Variants in NXPH1 observed in about 807,000 individuals in gnomAD.
NXPH1 encodes the protein neurexophilin 1, also known as neurexophilin-1.
A neutral mutation model predicts 23.7 loss-of-function variants in NXPH1; 5 were observed. That is an observed-to-expected ratio of 0.21 (90% CI 0.11 to 0.44). The LOEUF is 0.44. Ranked by LOEUF, NXPH1 falls within the 20% of genes least tolerant of loss-of-function variation. The pLI is 0.99. For synonymous variants in NXPH1, 144 were observed against 122.2 expected, an observed-to-expected ratio of 1.18 and a Z score of -1.18; for missense variants, 324 against 321.6, an observed-to-expected ratio of 1.01 and a Z score of -0.06.
intron 2 of NXPH1, among the ~76,000 whole-genome samples, chr7:8,749,577 C>A (rs1174645949): frequency 6.6e-6 from 1 of 152,150 alleles, no homozygotes; most frequent in East Asian, 1.9e-4. Context: ...AAAAAGCTTT[C>A]CAGGAATGAC....
chr7:8,642,876 T>G (rs1344656585), intron 2 of NXPH1, among the ~76,000 whole-genome samples: 1 of 138,364 alleles, frequency 7.2e-6, no homozygotes, highest in African/African-American at 2.7e-5. Flanking sequence ...TCTTTTCTTA[T>G]TTTTTTGAAA....
intron 2 of NXPH1, among the ~76,000 whole-genome samples, chr7:8,532,646 C>T (rs990889873): frequency 2.0e-5 from 3 of 152,052 alleles, no homozygotes; most frequent in African/African-American, 7.2e-5. Context: ...TCCTGGGGAA[C>T]TTGTTAAATG....
rs200715324 is a variant in NXPH1 at position 8,599,324 on chromosome 7, ATCT to A, written c.55-151679_55-151677del. 7.7e-3 allele frequency among the ~76,000 whole-genome samples: 1,176 copies of A among 152,198 alleles called. 11 individuals carry two copies. Among genetic ancestry groups the A allele is most frequent in the Middle Eastern group, 0.044 (13 of 294 alleles). ...GAAGGTCATTACGCTCTACGATTTC[ATCT>A]TCTTAACAATTCCCTGCCATGACTT... On this transcript the variant is annotated intron_variant, in intron 2 of 2. Transcript: ENST00000405863.
At chr7:8,605,011 C>T (rs1430353631) in intron 2 of NXPH1, among the ~76,000 whole-genome samples, 2 of 152,070 alleles carry the variant, frequency 1.3e-5, no homozygotes, top group African/African-American at 2.4e-5. Context: ...TACATCATTG[C>T]TAATTGTCAG....
At chr7:8,614,298 A>G (rs1435080428) in intron 2 of NXPH1, among the ~76,000 whole-genome samples, 3 of 151,890 alleles carry the variant, frequency 2.0e-5, no homozygotes, top group African/African-American at 7.2e-5. Flanking sequence ...TTATTGGGTA[A>G]AAAATGCAAA....
chr7:8,512,267 A>C (rs1195644620), intron 2 of NXPH1, among the ~76,000 whole-genome samples: 2 of 152,184 alleles, frequency 1.3e-5, no homozygotes, highest in Non-Finnish European at 2.9e-5. Context: ...GGAAGGGGTT[A>C]TGAGCTAGAT....
chr7:8,693,061 A>G (rs1399381299), intron 2 of NXPH1, among the ~76,000 whole-genome samples: 1 of 152,200 alleles, frequency 6.6e-6, no homozygotes, highest in Non-Finnish European at 1.5e-5. Flanking sequence ...GTGAAGGGGC[A>G]AGGAGGAAAA....
At chr7:8,682,462 A>G (rs1821070907) in intron 2 of NXPH1, among the ~76,000 whole-genome samples, 1 of 152,206 alleles carries the variant, frequency 6.6e-6, no homozygotes, top group Non-Finnish European at 1.5e-5. Flanking sequence ...TTTAATATTT[A>G]ATAAAGACTC....
intron 2 of NXPH1, among the ~76,000 whole-genome samples, chr7:8,711,293 G>A (rs1407752186): frequency 6.6e-6 from 1 of 152,090 alleles, no homozygotes; most frequent in Non-Finnish European, 1.5e-5. Context: ...TCTTTTTGAA[G>A]TCAGTAACAT....
At chr7:8,668,203 G>A (rs1408988869) in intron 2 of NXPH1, among the ~76,000 whole-genome samples, 1 of 146,110 alleles carries the variant, frequency 6.8e-6, no homozygotes, top group Non-Finnish European at 1.5e-5. Context: ...CCATTTCTTT[G>A]TGGTCAGCAA....
At chr7:8,544,242 C>CT (rs5882171) in intron 2 of NXPH1, among the ~76,000 whole-genome samples, 149,549 of 151,646 alleles carry the variant, frequency 0.99, 73,755 homozygotes, top group East Asian at 1. Flanking sequence ...CTGTGGATAA[C>CT]TTAGATTCAA....
chr7:8,467,485 ATCT>A (rs1381636389), intron 2 of NXPH1, among the ~76,000 whole-genome samples: 1 of 152,166 alleles, frequency 6.6e-6, no homozygotes. Context: ...AGTTTCCCTA[ATCT>A]TCTTTCAGAC....
intron 2 of NXPH1, among the ~76,000 whole-genome samples, chr7:8,507,993 C>A (rs1817557810): frequency 6.6e-6 from 1 of 152,088 alleles, no homozygotes; most frequent in Non-Finnish European, 1.5e-5. Context: ...TGAAAAGAAT[C>A]TTTATGCTTT....
chr7:8,638,976 A>C (rs558979461), intron 2 of NXPH1, among the ~76,000 whole-genome samples: 110 of 152,102 alleles, frequency 7.2e-4, no homozygotes, highest in Non-Finnish European at 1.4e-3. Context: ...CCTCAACTCC[A>C]AGCTGAAGAT....
At chr7:8,682,277 A>T (rs1312764770) in intron 2 of NXPH1, among the ~76,000 whole-genome samples, 1 of 152,178 alleles carries the variant, frequency 6.6e-6, no homozygotes, top group Non-Finnish European at 1.5e-5. Flanking sequence ...GTGCCTCAGA[A>T]GTTCTTTGGG....
chr7:8,476,906 G>A (rs1300245403), intron 2 of NXPH1, among the ~76,000 whole-genome samples: 3 of 152,116 alleles, frequency 2.0e-5, no homozygotes, highest in African/African-American at 7.2e-5. Context: ...TCCCAGAGCT[G>A]ACTATAGGAG....
intron 2 of NXPH1, among the ~76,000 whole-genome samples, chr7:8,521,768 C>T (rs2128615772): frequency 6.6e-6 from 1 of 152,220 alleles, no homozygotes; most frequent in East Asian, 1.9e-4. Context: ...GGCAGTGTAA[C>T]TGTCACAAGC....
chr7:8,724,888 C>T (rs752574134), intron 2 of NXPH1, among the ~76,000 whole-genome samples: 1 of 152,184 alleles, frequency 6.6e-6, no homozygotes, highest in Non-Finnish European at 1.5e-5. Context: ...ACACACCATG[C>T]TTTAAGAACC....
intron 2 of NXPH1, among the ~76,000 whole-genome samples, chr7:8,545,574 T>A (rs1006468797): frequency 1.3e-5 from 2 of 151,440 alleles, no homozygotes; most frequent in African/African-American, 2.4e-5. Flanking sequence ...AATCTGCAAA[T>A]AACTTTCTTT....
Sources: gnomAD v4.1 joint callset for allele counts (sites outside exome capture counted in the v4.1 genomes callset) on GRCh38, gnomAD v4.1.1 for gene constraint, MANE v1.5 for transcripts, NCBI Gene and HGNC (gene_info 2026-07-23, HGNC 2026-07-21) for gene names.